ZNF735: variants seen among roughly 807,000 people sequenced by gnomAD.
ZNF735 encodes putative zinc finger protein 735.
In ZNF735, 11 loss-of-function variants were observed where a neutral mutation model predicts 13.4. The ratio of observed to expected loss-of-function variants is 0.82; its 90% CI spans 0.52 to 1.36. The LOEUF is 1.36. ZNF735 is among the 40% of genes most tolerant of loss of function. ZNF735 has a pLI of 0.00. For synonymous variants in ZNF735, 171 were observed against 162.6 expected (o/e 1.05, Z -0.39); for missense variants, 500 against 484.6 (o/e 1.03, Z -0.30).
chr7:64,219,412 G>A, exon 4 of ZNF735: 2 of 1,613,942 alleles, frequency 1.2e-6, no homozygotes, highest in Non-Finnish European at 1.7e-6. Flanking sequence ...ATGTGGACAT[G>A]AGAATTTACA....
At chr7:64,211,876 GAAAAAAGAA>G (rs1787364022) in intron 1 of ZNF735, among the ~76,000 whole-genome samples, 1 of 86,118 alleles carries the variant, frequency 1.2e-5, no homozygotes, top group African/African-American at 4.5e-5. Context: ...AAAAAAAAAA[GAAAAAAGAA>G]AAAAAATATA....
exon 4 of ZNF735, chr7:64,219,865 G>A (rs1787469033): frequency 1.2e-6 from 2 of 1,613,538 alleles, no homozygotes; most frequent in South Asian, 2.2e-5. Context: ...CTACGCATGT[G>A]AAGAATGTGG....
At chr7:64,208,446 G>A (rs528871257) in intron 1 of ZNF735, among the ~76,000 whole-genome samples, 4 of 151,802 alleles carry the variant, frequency 2.6e-5, no homozygotes, top group East Asian at 1.9e-4. Flanking sequence ...TAGTAGAGAC[G>A]GGATTTCACC....
exon 4 of ZNF735, chr7:64,220,131 A>G: frequency 6.2e-7 from 1 of 1,613,674 alleles, no homozygotes; most frequent in Non-Finnish European, 8.5e-7. Context: ...AATGTGGCAG[A>G]ACCTTTAACT....
chr7:64,210,039 A>C (rs1252901784), intron 1 of ZNF735, among the ~76,000 whole-genome samples: 1 of 152,192 alleles, frequency 6.6e-6, no homozygotes, highest in Non-Finnish European at 1.5e-5. Flanking sequence ...CATAAGAATA[A>C]ATAAAAATGC....
At chr7:64,207,377 G>T (rs1315891173) in intron 1 of ZNF735, 136 bp downstream of exon 1, 20 of 1,543,726 alleles carry the variant, frequency 1.3e-5, no homozygotes, top group Non-Finnish European at 1.7e-5. Context: ...GGCCCAGTTC[G>T]GCTGTTAGCC....
At chr7:64,210,843 G>A (rs1787351544) in intron 1 of ZNF735, among the ~76,000 whole-genome samples, 1 of 152,188 alleles carries the variant, frequency 6.6e-6, no homozygotes. Context: ...GTGTGTGGTG[G>A]TAGCAGGTGA....
At chr7:64,219,395 A>T (rs766277384) in exon 4 of ZNF735, 10 of 1,614,036 alleles carry the variant, frequency 6.2e-6, no homozygotes, top group Non-Finnish European at 8.5e-6. Context: ...CCAAGAACAT[A>T]TGGAAAATGT....
intron 3 of ZNF735, among the ~76,000 whole-genome samples, chr7:64,215,738 A>G (rs1365522353): frequency 6.6e-6 from 1 of 151,790 alleles, no homozygotes; most frequent in African/African-American, 2.4e-5. Context: ...TTTTCAATGT[A>G]GATATCCAGT....
intron 3 of ZNF735, among the ~76,000 whole-genome samples, chr7:64,216,552 A>T (rs1389814625): frequency 6.6e-6 from 1 of 150,480 alleles, no homozygotes; most frequent in Non-Finnish European, 1.5e-5. Flanking sequence ...TTTTCTTTTT[A>T]GTTTTATTGA....
intron 1 of ZNF735, among the ~76,000 whole-genome samples, chr7:64,208,256 T>C (rs1169369268): frequency 0.074 from 4,602 of 61,820 alleles, 161 homozygotes; most frequent in East Asian, 0.28. Flanking sequence ...TTTTTTTTTT[T>C]TTTTTTTTTT....
At chr7:64,217,812 TA>T (rs888985153) in intron 3 of ZNF735, among the ~76,000 whole-genome samples, 9 of 151,212 alleles carry the variant, frequency 6.0e-5, no homozygotes, top group East Asian at 5.8e-4. Flanking sequence ...TTTACATTGG[TA>T]AAAAAAAATG....
chr7:64,216,311 T>C (rs568684972), intron 3 of ZNF735, among the ~76,000 whole-genome samples: 12 of 152,084 alleles, frequency 7.9e-5, no homozygotes, highest in African/African-American at 2.4e-4. Flanking sequence ...AAAAAAAATT[T>C]AAACAATATT....
At chr7:64,220,147 T>G (rs1196119492) in exon 4 of ZNF735, 1 of 1,613,452 alleles carries the variant, frequency 6.2e-7, no homozygotes, top group Non-Finnish European at 8.5e-7. Context: ...TAACTGCTCC[T>G]CAACTGTAAA....
At chr7:64,210,298 C>T (rs10949880) in intron 1 of ZNF735, among the ~76,000 whole-genome samples, 72,151 of 151,964 alleles carry the variant, frequency 0.47, 17,512 homozygotes, top group East Asian at 0.62. Flanking sequence ...AAAAATATAG[C>T]ATTTCAGCAT....
chr7:64,215,410 A>C (rs1384418952), intron 3 of ZNF735, among the ~76,000 whole-genome samples: 1 of 152,164 alleles, frequency 6.6e-6, no homozygotes, highest in Non-Finnish European at 1.5e-5. Context: ...TACTTCTAGG[A>C]GTCGTTTATA....
intron 3 of ZNF735, among the ~76,000 whole-genome samples, chr7:64,214,898 A>G (rs1361850842): frequency 3.3e-5 from 5 of 152,098 alleles, no homozygotes; most frequent in African/African-American, 9.6e-5. Flanking sequence ...TTTAAAAAAA[A>G]ATTATAGTGG....
intron 3 of ZNF735, among the ~76,000 whole-genome samples, chr7:64,218,423 G>A (rs59242923): frequency 0.29 from 44,309 of 151,196 alleles, 6,427 homozygotes; most frequent in East Asian, 0.32. Context: ...TAGTTTGTTT[G>A]TTTAACTTCT....
chr7:64,211,577 A>G (rs1403509076), intron 1 of ZNF735, among the ~76,000 whole-genome samples: 2 of 152,084 alleles, frequency 1.3e-5, no homozygotes, highest in Non-Finnish European at 2.9e-5. Flanking sequence ...TTATAATTAA[A>G]TTTAGGTCAG....
Sources: allele counts gnomAD v4.1 joint callset (sites outside exome capture counted in the v4.1 genomes callset), GRCh38; gene constraint gnomAD v4.1.1; transcripts MANE v1.5; gene names NCBI Gene and HGNC (gene_info 2026-07-23, HGNC 2026-07-21).